The following ARSF variants were observed in gnomAD, a reference collection of about 807,000 sequenced individuals.
ARSF encodes the protein arylsulfatase F.
A neutral mutation model predicts 35.4 loss-of-function variants in ARSF; 33 were observed. The observed-to-expected ratio is 0.93, with a 90% CI of 0.71 to 1.25. The LOEUF (loss-of-function observed/expected upper bound fraction) is 1.25, where lower values mean the gene tolerates loss of function less well. Among genes scored for constraint, ARSF ranks in the 50% most tolerant of loss-of-function variants. The pLI is 0.00. For missense variants in ARSF, 501 were observed against 480.2 expected (o/e 1.04, Z -0.40); for synonymous variants, 222 against 193.1 (o/e 1.15, Z -1.24).
chrX:3,101,020 A>C (rs944511336), intron 7 of ARSF, 67 bp from the exon 8 acceptor site: 25 of 1,094,753 alleles, frequency 2.3e-5, no homozygotes, highest in Non-Finnish European at 2.9e-5. Flanking sequence ...GCTCATGCCC[A>C]TTTGACTTAG....
rs772387987 is a variant in ARSF at position 3,084,145 on chromosome X, C to T, written c.407-98C>T. 8.3e-6 allele frequency: 8 copies of T among 969,240 alleles called. No homozygotes were observed. The African/African-American group carries it at 1.1e-4, about 14-fold the overall frequency. 79.9% of individuals were successfully genotyped at this position (969,240 alleles called of 1,213,427 possible). ...CTGCTACTTTATTTTTGTGTATTAG[C>T]TGATTGTTTCACGTGAAGAATGCTC... On this transcript the variant is annotated intron_variant, in intron 5 of 10. Coordinates refer to ENST00000381127, the MANE Select transcript of ARSF (RefSeq NM_001201539.2).
intron 8 of ARSF, among the ~76,000 whole-genome samples, chrX:3,101,587 A>G (rs776017078): frequency 1.8e-4 from 20 of 111,617 alleles, no homozygotes; most frequent in African/African-American, 6.5e-4. Flanking sequence ...TGTGATTCCT[A>G]GAGAACAGAG....
At chrX:3,092,245 C>G (rs1310104114) in intron 7 of ARSF, among the ~76,000 whole-genome samples, 3 of 110,841 alleles carry the variant, frequency 2.7e-5, no homozygotes, top group East Asian at 2.8e-4. Context: ...ATGCATACCC[C>G]TCTTACTTTC....
chrX:3,078,383 T>C (rs2090169803), intron 4 of ARSF, among the ~76,000 whole-genome samples: 1 of 110,714 alleles, frequency 9.0e-6, no homozygotes, highest in African/African-American at 3.3e-5. Flanking sequence ...GGTATTGCTG[T>C]GTTCCCCAGG....
chrX:3,063,291 G>C (rs1468282069), intron 1 of ARSF, among the ~76,000 whole-genome samples: 1 of 111,525 alleles, frequency 9.0e-6, no homozygotes, highest in African/African-American at 3.3e-5. Flanking sequence ...ACTAGGTATT[G>C]ATGGGACGTA....
intron 1 of ARSF, among the ~76,000 whole-genome samples, chrX:3,053,737 G>A (rs1432604979): frequency 1.9e-5 from 2 of 106,114 alleles, no homozygotes; most frequent in Non-Finnish European, 3.9e-5. Flanking sequence ...GACCACAGGT[G>A]CATGCCACCA....
In ARSF at chrX:3,089,540, T is replaced by G; in HGVS notation, c.875T>G (p.Val292Gly). The change falls in exon 7 of 11, where the codon GTG becomes GGG. Residue 292 changes from valine (V) to glycine (G), a missense_variant. Transcript: ENST00000381127. Reference sequence around the variant, plus strand: ...CTTCTCTTTTTCTCCTTTCTTCACGTGCACACACCTCTCCCCACCACGGAC... The same window carrying G: ...CTTCTCTTTTTCTCCTTTCTTCACGGGCACACACCTCTCCCCACCACGGAC... ...TFLLFFSFLHVHTPLPTTDDF... is the reference protein window; with the variant it reads ...TFLLFFSFLHGHTPLPTTDDF... 1 of 1,211,797 alleles carries G rather than the reference T, an allele frequency of 8.3e-7. No individual in the cohort carries two copies. The highest frequency in any genetic ancestry group is 1.1e-6 in the Non-Finnish European group (1 of 895,349).
At position 3,080,913 on chromosome X, in the gene ARSF, A is replaced by G; in HGVS notation, c.306A>G (p.Arg102=). Residue 102 remains arginine (R), a synonymous_variant, in exon 5 of 11, where the codon AGA becomes AGG. Transcript: ENST00000381127. ...TAGGTATGGTTTCTAGTGGTAATAGACGTGTCATCCAAAATCTTGCAGTCC... is the reference window on the plus strand; with the variant it reads ...TAGGTATGGTTTCTAGTGGTAATAGGCGTGTCATCCAAAATCTTGCAGTCC... ...IRSGMVSSGN[R]RVIQNLAVPA... 1 of 1,211,534 alleles carries G rather than the reference A, an allele frequency of 8.3e-7. No homozygotes were observed.
Position 3,059,643 on chromosome X carries a change from C to A in ARSF, c.-28-8430C>A, listed in dbSNP as rs182944585. Reference sequence around the variant, plus strand: ...CACACCAGGAGATTATATCCTGCACCTGGCTCGGCAGTTCCCACTCCCACA... The same window carrying A: ...CACACCAGGAGATTATATCCTGCACATGGCTCGGCAGTTCCCACTCCCACA... On this transcript the variant is annotated intron_variant, in intron 1 of 10. Transcript: ENST00000381127. Among the ~76,000 whole-genome samples, 494 of 112,679 alleles carry A rather than the reference C, an allele frequency of 4.4e-3. 3 individuals carry two copies. Among genetic ancestry groups the A allele is most frequent in the African/African-American group, 0.014 (436 of 31,149 alleles).
At chrX:3,087,931 T>G (rs1054804988) in intron 6 of ARSF, among the ~76,000 whole-genome samples, 1 of 112,368 alleles carries the variant, frequency 8.9e-6, no homozygotes, top group African/African-American at 3.2e-5. Flanking sequence ...TGAACGTGAA[T>G]TTTGAGGGGT....
At chrX:3,093,937 A>G (rs1446867733) in intron 7 of ARSF, among the ~76,000 whole-genome samples, 1 of 111,989 alleles carries the variant, frequency 8.9e-6, no homozygotes, top group East Asian at 2.8e-4. Flanking sequence ...GGGTTCGTGC[A>G]AAAGTAACTG....
intron 1 of ARSF, among the ~76,000 whole-genome samples, chrX:3,051,888 G>C (rs1419496943): frequency 9.0e-6 from 1 of 110,631 alleles, no homozygotes; most frequent in African/African-American, 3.3e-5. Context: ...ATCTACTTGG[G>C]GGGCTGAGGT....
intron 7 of ARSF, among the ~76,000 whole-genome samples, chrX:3,099,695 T>C (rs1000132523): frequency 2.7e-5 from 3 of 111,749 alleles, no homozygotes; most frequent in African/African-American, 9.7e-5. Flanking sequence ...AATTTGAGAT[T>C]TTTAACTATT....
chrX:3,082,177 A>T (rs910902399), intron 5 of ARSF, among the ~76,000 whole-genome samples: 1 of 111,751 alleles, frequency 8.9e-6, no homozygotes, highest in Non-Finnish European at 1.9e-5. Flanking sequence ...CCCTTTGGTG[A>T]TCATTCAAGG....
At position 3,110,231 on chromosome X, in the gene ARSF, C is replaced by G. The variant is rs753503000; in HGVS notation, c.1369C>G (p.Arg457Gly). 8.4e-7 allele frequency: 1 copy of G among 1,185,514 alleles called. No individual in the cohort carries two copies. Among genetic ancestry groups the G allele is most frequent in the East Asian group, 3.0e-5 (1 of 33,095 alleles). The change falls in exon 10 of 11, where the codon CGG becomes GGG. Residue 457 changes from arginine (R) to glycine (G), a missense_variant. Arg to Gly is a moderately radical substitution (Grantham distance 125). Coordinates refer to ENST00000381127, the MANE Select transcript of ARSF (RefSeq NM_001201539.2). ...CTGTGGCTCCTACCTGCACGCCGTGCGGTGGATCCCCAAGGACGACAGTGA... is the reference window on the plus strand; with the variant it reads ...CTGTGGCTCCTACCTGCACGCCGTGGGGTGGATCCCCAAGGACGACAGTGA... ...HYCGSYLHAVRWIPKDDSGSV... is the reference protein window; with the variant it reads ...HYCGSYLHAVGWIPKDDSGSV...
At position 3,076,631 on chromosome X, in the gene ARSF, G is replaced by T. The variant is rs781435277; in HGVS notation, c.245G>T (p.Arg82Leu). Residue 82 changes from arginine to leucine, a missense_variant, in exon 4 of 11, where the codon CGG (arginine) becomes CTG (leucine). By Grantham distance (102) the Arg-to-Leu change is moderately radical. Transcript: ENST00000381127. ...ISAASLCSPS[R>L]SAFLTGRYPI... ...GCCGCCTCCCTCTGCAGCCCAAGCC[G>T]GTCCGCGTTCTTGACGGGAAGATAC... is the stretch of plus-strand genomic sequence containing the variant. The T allele has an allele frequency of 3.3e-6, 4 of 1,209,607 alleles. No homozygotes were observed. The highest frequency in any genetic ancestry group is 4.5e-6 in the Non-Finnish European group (4 of 895,189).
chrX:3,112,506 G>T lies in ARSF; in HGVS notation c.1723G>T (p.Asp575Tyr). The T allele has an allele frequency of 2.5e-6, 3 of 1,205,951 alleles. No individual in the cohort carries two copies. The highest frequency in any genetic ancestry group is 2.2e-6 in the Non-Finnish European group (2 of 891,876). Residue 575 changes from aspartate to tyrosine, a missense_variant, in exon 11 of 11, where the codon GAC becomes TAC. Asp to Tyr is a radical substitution (Grantham distance 160). Transcript: ENST00000381127. ...CCGVFPFCLC[D>Y]KEEEVSQPRG... The stretch of plus-strand genomic sequence containing the variant: ...TGGGGTGTTCCCATTTTGTCTGTGT[G>T]ACAAGGAAGAGGAAGTCTCTCAGCC...
chrX:3,092,407 T>C lies in ARSF; in HGVS notation c.967+2775T>C, dbSNP rs1402345318. On this transcript the variant is annotated intron_variant, in intron 7 of 10. Transcript: ENST00000381127. ...TGTGATAAGTAAAAGACATTACTATTTGCTTTAAAAATTTAAATTAACAAA... is the reference window on the plus strand; with the variant it reads ...TGTGATAAGTAAAAGACATTACTATCTGCTTTAAAAATTTAAATTAACAAA... Among the ~76,000 whole-genome samples, 6 of 112,014 alleles carry C rather than the reference T, an allele frequency of 5.4e-5. No individual in the cohort carries two copies. The Admixed American group carries it at 5.7e-4, about 11-fold the overall frequency.
At chrX:3,104,732 A>G (rs1228677418) in intron 9 of ARSF, among the ~76,000 whole-genome samples, 1 of 112,126 alleles carries the variant, frequency 8.9e-6, no homozygotes, top group Non-Finnish European at 1.9e-5. Context: ...ATCAGAGACC[A>G]GTCTTAGATA....
Sources: allele counts gnomAD v4.1 joint callset (sites outside exome capture counted in the v4.1 genomes callset), GRCh38; gene constraint gnomAD v4.1.1; transcripts MANE v1.5; gene names NCBI Gene and HGNC (gene_info 2026-07-23, HGNC 2026-07-21).